APBB2: variants seen among roughly 807,000 people sequenced by gnomAD.
The protein encoded by APBB2 is amyloid beta precursor protein binding family B member 2.
In APBB2, 38 loss-of-function variants were observed where a neutral mutation model predicts 82.5. The observed-to-expected ratio is 0.46, with a 90% CI of 0.36 to 0.60. The LOEUF is 0.60. Ranked by LOEUF, APBB2 falls within the 20% of genes least tolerant of loss-of-function variation. APBB2 has a pLI of 0.00. For synonymous variants in APBB2, 341 were observed against 368.2 expected (o/e 0.93, Z 0.85); for missense variants, 772 against 972.3 (o/e 0.79, Z 2.74).
chr4:40,955,377 C>T (rs1468531449), intron 6 of APBB2, among the ~76,000 whole-genome samples: 4 of 152,186 alleles, frequency 2.6e-5, no homozygotes, highest in Non-Finnish European at 5.9e-5. Flanking sequence ...TGTGATAAGG[C>T]GTAAAGCCCC....
At chr4:40,982,314 GA>G in intron 6 of APBB2, among the ~76,000 whole-genome samples, 1 of 57,124 alleles carries the variant, frequency 1.8e-5, no homozygotes, top group African/African-American at 6.6e-5. Context: ...AGGAAAGAAA[GA>G]AAGAAAGAAA....
chr4:40,988,068 G>C (rs1373610660), intron 6 of APBB2, among the ~76,000 whole-genome samples: 1 of 152,164 alleles, frequency 6.6e-6, no homozygotes, highest in African/African-American at 2.4e-5. Context: ...ATGAGATAAT[G>C]GAAATGATCA....
intron 6 of APBB2, among the ~76,000 whole-genome samples, chr4:40,954,416 A>G (rs943829776): frequency 7.2e-5 from 11 of 152,088 alleles, no homozygotes; most frequent in Non-Finnish European, 8.8e-5. Flanking sequence ...AATTAATTCA[A>G]CAAATGCTTC....
intron 1 of APBB2, among the ~76,000 whole-genome samples, chr4:41,196,984 T>C: frequency 6.6e-6 from 1 of 152,146 alleles, no homozygotes; most frequent in African/African-American, 2.4e-5. Context: ...GTTCTGAACA[T>C]AGACTGATGT....
intron 12 of APBB2, among the ~76,000 whole-genome samples, chr4:40,888,966 G>A (rs1771169790): frequency 6.6e-6 from 1 of 152,270 alleles, no homozygotes; most frequent in South Asian, 2.1e-4. Context: ...TGTTTTTAAT[G>A]ACGACCAAAT....
intron 4 of APBB2, among the ~76,000 whole-genome samples, chr4:41,061,104 T>C (rs1311528034): frequency 6.6e-6 from 1 of 152,158 alleles, no homozygotes; most frequent in Admixed American, 6.5e-5. Context: ...TGAGTTAAGT[T>C]TGCAGGCAAA....
intron 7 of APBB2, among the ~76,000 whole-genome samples, chr4:40,942,821 T>A (rs949342663): frequency 2.6e-5 from 4 of 152,044 alleles, no homozygotes; most frequent in Admixed American, 1.3e-4. Context: ...CTGGCAGTTT[T>A]CCCCAGAGCC....
intron 9 of APBB2, 42 bp from the exon 10 acceptor site, chr4:40,934,558 A>T (rs779644704): frequency 7.4e-6 from 12 of 1,612,346 alleles, no homozygotes; most frequent in Non-Finnish European, 1.0e-5. Flanking sequence ...ATTCTATTGC[A>T]AACTATCTGC....
intron 1 of APBB2, among the ~76,000 whole-genome samples, chr4:41,212,233 G>T (rs180978961): frequency 1.5e-3 from 228 of 152,356 alleles, no homozygotes; most frequent in Non-Finnish European, 2.8e-3. Flanking sequence ...GTTTGTACAT[G>T]TGGATTCTTA....
rs1219356502 is a variant in APBB2 at position 40,814,173 on chromosome 4, T to G, written c.*1919A>C. 1 of 152,186 alleles carries G rather than the reference T, an allele frequency of 6.6e-6. No homozygotes were observed. Among genetic ancestry groups the G allele is most frequent in the African/African-American group, 2.4e-5 (1 of 41,446 alleles). 9.4% of individuals were successfully genotyped at this position (152,186 alleles called of 1,614,324 possible). ...AAAATCTCGTAGATGGAACAGGCTG[T>G]GAATGTAGAATCCTGCCCTCTACAA... On this transcript the variant is annotated 3_prime_UTR_variant, in exon 18 of 18. Coordinates refer to ENST00000508593, the MANE Select transcript of APBB2 (RefSeq NM_004307.2).
At chr4:40,967,292 G>A (rs1017079069) in intron 6 of APBB2, among the ~76,000 whole-genome samples, 2 of 152,132 alleles carry the variant, frequency 1.3e-5, no homozygotes, top group Non-Finnish European at 2.9e-5. Flanking sequence ...ACAAGAACTC[G>A]GGACCTGCAG....
intron 1 of APBB2, among the ~76,000 whole-genome samples, chr4:41,190,216 A>G (rs1774020589): frequency 6.9e-6 from 1 of 144,716 alleles, no homozygotes; most frequent in Admixed American, 6.9e-5. Flanking sequence ...AACTTACTAT[A>G]TCAAAAGAAT....
chr4:40,829,857 C>G (rs935217742), intron 13 of APBB2, among the ~76,000 whole-genome samples: 19 of 152,288 alleles, frequency 1.2e-4, no homozygotes, highest in African/African-American at 4.3e-4. Context: ...GGTGCTTCTA[C>G]GAGCCACTGT....
At chr4:41,106,684 G>C (rs993419910) in intron 2 of APBB2, among the ~76,000 whole-genome samples, 2 of 152,120 alleles carry the variant, frequency 1.3e-5, no homozygotes, top group African/African-American at 2.4e-5. Flanking sequence ...CACCGTGTTA[G>C]CCAGGATGGT....
At chr4:41,132,401 G>T (rs1756300152) in intron 2 of APBB2, among the ~76,000 whole-genome samples, 1 of 152,194 alleles carries the variant, frequency 6.6e-6, no homozygotes, top group Non-Finnish European at 1.5e-5. Context: ...GAAGTCAAAA[G>T]ATATTTAAAA....
chr4:41,176,790 T>C (rs1273063910), intron 1 of APBB2, among the ~76,000 whole-genome samples: 2 of 152,132 alleles, frequency 1.3e-5, no homozygotes, highest in East Asian at 3.9e-4. Flanking sequence ...CATAAAGCAT[T>C]TTGGGTTAAC....
At chr4:41,209,267 G>C (rs941485806) in intron 1 of APBB2, among the ~76,000 whole-genome samples, 6 of 152,138 alleles carry the variant, frequency 3.9e-5, no homozygotes, top group African/African-American at 1.4e-4. Flanking sequence ...TGAGCCTCTT[G>C]AAAGCAAAAT....
chr4:40,858,491 CA>C (rs1167841115), intron 12 of APBB2, among the ~76,000 whole-genome samples: 14 of 125,160 alleles, frequency 1.1e-4, no homozygotes, highest in Admixed American at 1.1e-3. Flanking sequence ...GCAAAATAGG[CA>C]AAGCATATTA....
At chr4:41,103,704 C>T (rs1277172425) in intron 2 of APBB2, among the ~76,000 whole-genome samples, 1 of 152,112 alleles carries the variant, frequency 6.6e-6, no homozygotes, top group Non-Finnish European at 1.5e-5. Context: ...GTAATTTTTA[C>T]TTTCTTTATA....
Sources: gnomAD v4.1 joint callset for allele counts (sites outside exome capture counted in the v4.1 genomes callset) on GRCh38, gnomAD v4.1.1 for gene constraint, MANE v1.5 for transcripts, NCBI Gene and HGNC (gene_info 2026-07-23, HGNC 2026-07-21) for gene names.